The following TTN variants were observed in gnomAD, a reference collection of about 807,000 sequenced individuals.
TTN encodes the protein connectin.
In TTN, 1,525 loss-of-function variants were observed where a neutral mutation model predicts 3,223.0. That is an observed-to-expected ratio of 0.47 (90% CI 0.45 to 0.49). The LOEUF is 0.49. TTN is among the 20% of genes least tolerant of loss of function. TTN has a pLI of 0.00. For synonymous variants in TTN, 14,094 were observed against 15,161.0 expected (o/e 0.93, Z 5.17); for missense variants, 40,786 against 43,424.0 (o/e 0.94, Z 5.40).
At chr2:178,632,481 CAA>C (rs558880332) in intron 235 of TTN, 43 bp downstream of exon 235, 8 of 1,587,624 alleles carry the variant, frequency 5.0e-6, no homozygotes, top group Non-Finnish European at 6.8e-6. Context: ...AAACTAAAGG[CAA>C]AAAAAATGAT....
Position 178,718,874 on chromosome 2 carries a change from A to G in TTN, c.24326T>C (p.Val8109Ala). The G allele has an allele frequency of 6.2e-7, 1 of 1,613,570 alleles. No homozygotes were observed. The highest frequency in any genetic ancestry group is 8.5e-7 in the Non-Finnish European group (1 of 1,179,710). ...SVIRGTPPFK[V>A]KWFKGSRELV... The stretch of plus-strand genomic sequence containing the variant: ...TTCCCTGCTGCCTTTAAACCACTTG[A>G]CCTTGAAAGGAGGGGTGCCTCTGAT... Residue 8109 changes from valine (V) to alanine (A), a missense_variant, in exon 84 of 363, where the codon GTC becomes GCC. Transcript: ENST00000589042.
intron 49 of TTN, chr2:178,737,824 C>T: frequency 5.5e-6 from 2 of 362,528 alleles, no homozygotes; most frequent in South Asian, 8.7e-5. Context: ...ATATGAAGGG[C>T]CAAGCTGAGC....
Position 178,722,016 on chromosome 2 carries a change from T to A in TTN, c.22647A>T (p.Ser7549=). 1 of 1,613,558 alleles carries A rather than the reference T, an allele frequency of 6.2e-7. No homozygotes were observed. The highest frequency in any genetic ancestry group is 1.3e-5 in the African/African-American group (1 of 75,032). The stretch of plus-strand genomic sequence containing the variant: ...CAGGACGGATCTCCTTGTTATCTTT[T>A]GACCAAGTGATTCGCATCGGTTGAG... The part of the protein sequence containing the change: ...TGAQPMRITW[S]KDNKEIRPGG... Residue 7549 remains serine (S), a synonymous_variant, in exon 78 of 363, where the codon TCA becomes TCT. Coordinates refer to ENST00000589042, the MANE Select transcript of TTN (RefSeq NM_001267550.2).
At chr2:178,596,641 A>G (rs985378830) in intron 294 of TTN, among the ~76,000 whole-genome samples, 50 of 152,242 alleles carry the variant, frequency 3.3e-4, no homozygotes, top group Admixed American at 1.3e-3. Context: ...CCATTAGGCA[A>G]AAGAGCTTTA....
intron 6 of TTN, chr2:178,799,019 G>C (rs528006830): frequency 6.3e-5 from 11 of 174,478 alleles, no homozygotes; most frequent in African/African-American, 2.6e-4. Flanking sequence ...GTGAGGATTT[G>C]TGAAAATCAT....
In TTN at chr2:178,663,843, C is replaced by G; in HGVS notation, c.36424G>C (p.Glu12142Gln). 1 of 1,612,798 alleles carries G rather than the reference C, an allele frequency of 6.2e-7. No individual in the cohort carries two copies. Among genetic ancestry groups the G allele is most frequent in the Non-Finnish European group, 8.5e-7 (1 of 1,179,642 alleles). The part of the protein sequence containing the change: ...EEKVPLAPPK[E>Q]PEVPPVKVPE... ...CCTTTAACAGGTGGGACTTCAGGCT[C>G]TTTAGGAGGAGCCAAGGGCACTTTC... Residue 12142 changes from glutamate (E) to glutamine (Q), a missense_variant, in exon 170 of 363, where the codon GAG becomes CAG. Physicochemically the swap from Glu to Gln is conservative, Grantham distance 29. Transcript: ENST00000589042.
Position 178,618,885 on chromosome 2 carries a change from G to T in TTN, c.46697-32C>A, listed in dbSNP as rs769397464. 3 of 1,597,322 alleles carry T rather than the reference G, an allele frequency of 1.9e-6. No individual in the cohort carries two copies. In the South Asian group the frequency reaches 3.4e-5, roughly 18 times the overall value. On this transcript the variant is annotated intron_variant, in intron 250 of 362. Transcript: ENST00000589042. ...AGAAAGATAACATGTGAACGCTTTC[G>T]ACTATTAAACGTAGCCAAGCTACAT... is the stretch of plus-strand genomic sequence containing the variant.
At position 178,547,203 on chromosome 2, in the gene TTN, A is replaced by G. The variant is rs1388468468; in HGVS notation, c.94322T>C (p.Ile31441Thr). Residue 31441 changes from isoleucine (I) to threonine (T), a missense_variant, in exon 340 of 363, where the codon ATT (isoleucine) becomes ACT (threonine). Ile to Thr is a moderately conservative substitution (Grantham distance 89). Transcript: ENST00000589042. ...TTCTTTCTTCTCAACCCAGTAGCCA[A>G]TGATTTTACTGCCACCATCGTGGTA... ...EPYHDGGSKI[I>T]GYWVEKKERN... 7.4e-6 allele frequency: 12 copies of G among 1,613,840 alleles called. No individual in the cohort carries two copies. The highest frequency in any genetic ancestry group is 2.2e-5 in the East Asian group (1 of 44,872).
chr2:178,713,342 T>A lies in TTN; in HGVS notation c.26792A>T (p.Lys8931Ile), dbSNP rs759670367. 3.9e-6 allele frequency: 6 copies of A among 1,555,106 alleles called. No individual in the cohort carries two copies. The highest frequency in any genetic ancestry group is 5.2e-6 in the Non-Finnish European group (6 of 1,147,622). Residue 8931 changes from lysine (K) to isoleucine (I), a missense_variant, in exon 93 of 363, where the codon AAA becomes ATA. Physicochemically the swap from Lys to Ile is moderately radical, Grantham distance 102 (BLOSUM62 -3). Transcript: ENST00000589042. The part of the protein sequence containing the change: ...DRTVPPSFTR[K>I]LKETNGLSGS... ...GGATAGACCATTTGTCTCTTTCAAT[T>A]TTCTTGTGAATGAAGGAGGAACGGT...
In TTN at chr2:178,640,131, G is replaced by C. The variant is rs569704411; in HGVS notation, c.40724-21C>G. ...AGGCACTGAAATAATTTAGAGTAGA[G>C]GGCAGATTATTACAGGATTTTTGAA... On this transcript the variant is annotated intron_variant, in intron 221 of 362. Transcript: ENST00000589042. 2.9e-5 allele frequency: 46 copies of C among 1,607,452 alleles called. 1 individual carries two copies. The South Asian group carries it at 4.0e-4, about 14-fold the overall frequency.
Position 178,536,174 on chromosome 2 carries a change from G to A in TTN, c.100573C>T (p.Pro33525Ser). ...LVCKVTGHPKPIVKWYRQGKE... is the reference protein window; with the variant it reads ...LVCKVTGHPKSIVKWYRQGKE... Reference sequence around the variant, plus strand: ...CCTTGTCTGTACCATTTGACGATAGGTTTTGGATGACCAGTCACTTTGCAG... The same window carrying A: ...CCTTGTCTGTACCATTTGACGATAGATTTTGGATGACCAGTCACTTTGCAG... The change falls in exon 357 of 363, where the codon CCT becomes TCT. Residue 33525 changes from proline to serine, a missense_variant. Coordinates refer to ENST00000589042, the MANE Select transcript of TTN (RefSeq NM_001267550.2). 2 of 1,613,424 alleles carry A rather than the reference G, an allele frequency of 1.2e-6. No homozygotes were observed. The highest frequency in any genetic ancestry group is 2.2e-5 in the East Asian group (1 of 44,852).
rs765483284 is a variant in TTN, at chr2:178,729,439, A to T, written c.18717T>A (p.Ile6239=). ...EVTWLKNNRE[I]RSSKKYTLTD... ...TCAATGTGTATTTTTTGCTGCTTCG[A>T]ATTTCCCTGTTATTCTTCAGCCAAG... Residue 6239 remains isoleucine, a synonymous_variant, in exon 64 of 363, where the codon ATT becomes ATA. Coordinates refer to ENST00000589042, the MANE Select transcript of TTN (RefSeq NM_001267550.2). The T allele has an allele frequency of 1.2e-5, 19 of 1,613,488 alleles. No homozygotes were observed. The Admixed American group carries it at 3.2e-4, about 27-fold the overall frequency.
chr2:178,610,268 G>A lies in TTN; in HGVS notation c.51258C>T (p.Arg17086=), dbSNP rs936286831. 4 of 1,612,854 alleles carry A rather than the reference G, an allele frequency of 2.5e-6. No individual in the cohort carries two copies. Among genetic ancestry groups the A allele is most frequent in the Admixed American group, 1.7e-5 (1 of 59,944 alleles). The change falls in exon 271 of 363, where the codon CGC becomes CGT. Residue 17086 remains arginine, a synonymous_variant. Transcript: ENST00000589042. ...TATATGTTCTCCTCCCAGCTTCTCT[G>A]CGCTCCAGGACATAATGAAGAATTG... ...GTPILHYVLE[R]REAGRRTYIP...
Position 178,534,383 on chromosome 2 carries a change from C to G in TTN, c.102232G>C (p.Glu34078Gln), listed in dbSNP as rs1454101167. The G allele has an allele frequency of 6.2e-7, 1 of 1,610,474 alleles. No individual in the cohort carries two copies. Among genetic ancestry groups the G allele is most frequent in the African/African-American group, 1.3e-5 (1 of 74,918 alleles). The change falls in exon 358 of 363, where the codon GAA (glutamate) becomes CAA (glutamine). Residue 34078 changes from glutamate to glutamine, a missense_variant. Transcript: ENST00000589042. ...LQHPWLKQKI[E>Q]RVSTKVIRTL... ...CTGATAACTTTAGTACTGACTCTTTCTATCTTCTGCTTCAACCATGGGTGC... is the reference window on the plus strand; with the variant it reads ...CTGATAACTTTAGTACTGACTCTTTGTATCTTCTGCTTCAACCATGGGTGC...
Position 178,724,268 on chromosome 2 carries a change from T to G in TTN, c.21107A>C (p.Asp7036Ala). The change falls in exon 72 of 363, where the codon GAT becomes GCT. Residue 7036 changes from aspartate (D) to alanine (A), a missense_variant. Asp to Ala is a moderately radical substitution (Grantham distance 126, BLOSUM62 -2). Coordinates refer to ENST00000589042, the MANE Select transcript of TTN (RefSeq NM_001267550.2). ...AAAACAGCAGAACTAACCTGAAACA[T>G]CAACCACAGCTGTGCAGCTGCTTTT... ...VGKSSCTAVV[D>A]VSDRAVPPSF... 1 of 1,612,074 alleles carries G rather than the reference T, an allele frequency of 6.2e-7. No individual in the cohort carries two copies. Among genetic ancestry groups the G allele is most frequent in the Non-Finnish European group, 8.5e-7 (1 of 1,178,790 alleles).
At position 178,582,952 on chromosome 2, in the gene TTN, G is replaced by A. The variant is rs2048118733; in HGVS notation, c.65851C>T (p.Leu21951Phe). Residue 21951 changes from leucine (L) to phenylalanine (F), a missense_variant, in exon 313 of 363, where the codon CTT becomes TTT. Leu to Phe is a conservative substitution (Grantham distance 22). Transcript: ENST00000589042. ...GTTTATTAGTTACCTAACACTTTAA[G>A]CTTAATGGTGGCTGATTTAGAACCA... ...SSGSKSATIK[L>F]KVLDKPGPPA... is the part of the protein sequence containing the mutation. 6.5e-7 allele frequency: 1 copy of A among 1,532,944 alleles called. No homozygotes were observed. The highest frequency in any genetic ancestry group is 8.8e-7 in the Non-Finnish European group (1 of 1,138,680). 95.0% of individuals were successfully genotyped at this position (1,532,944 alleles called of 1,614,324 possible). A position where few individuals can be genotyped will look rare whatever the true frequency, so the allele number is the denominator to read the frequency against.
At chr2:178,738,488 T>A (rs987349714) in intron 48 of TTN, 128 bp from the exon 49 acceptor site, 35 of 1,159,796 alleles carry the variant, frequency 3.0e-5, no homozygotes, top group Non-Finnish European at 4.1e-5. Flanking sequence ...ATTACAGCAG[T>A]TTAAGGCAAG....
At chr2:178,610,496 G>C (rs2056055846) in intron 270 of TTN, 107 bp from the exon 271 acceptor site, 7 of 1,215,894 alleles carry the variant, frequency 5.8e-6, no homozygotes, top group Non-Finnish European at 7.0e-6. Flanking sequence ...GATAATCTTT[G>C]ATGTGCTGGA....
Position 178,599,031 on chromosome 2 carries a change from A to G in TTN, c.56679T>C (p.Val18893=), listed in dbSNP as rs397517625. ...TCATGGAGTTACGAGTCACGCTGCT[A>G]ACTGTTGGTTTATCTGGTGCTCCAG... ...SVPGAPDKPT[V]SSVTRNSMTV... is the part of the protein sequence containing the mutation. The change falls in exon 291 of 363, where the codon GTT becomes GTC. Residue 18893 remains valine, a synonymous_variant. Coordinates refer to ENST00000589042, the MANE Select transcript of TTN (RefSeq NM_001267550.2). 6.3e-7 allele frequency: 1 copy of G among 1,587,716 alleles called. No individual in the cohort carries two copies.
Sources: allele counts gnomAD v4.1 joint callset (sites outside exome capture counted in the v4.1 genomes callset), GRCh38; gene constraint gnomAD v4.1.1; transcripts MANE v1.5; gene names NCBI Gene and HGNC (gene_info 2026-07-23, HGNC 2026-07-21).